AVEN: variants seen among roughly 807,000 people sequenced by gnomAD.
AVEN encodes apoptosis and caspase activation inhibitor, also known as cell death regulator Aven.
A neutral mutation model predicts 38.1 loss-of-function variants in AVEN; 41 were observed. The ratio of observed to expected loss-of-function variants is 1.08; its 90% CI spans 0.84 to 1.40. The LOEUF (loss-of-function observed/expected upper bound fraction) is 1.40. Among genes scored for constraint, AVEN ranks in the 40% most tolerant of loss-of-function variants. AVEN has a pLI of 0.00. For synonymous variants in AVEN, 206 were observed against 171.8 expected (o/e 1.20, Z -1.56); for missense variants, 605 against 438.8 (o/e 1.38, Z -3.38).
intron 1 of AVEN, among the ~76,000 whole-genome samples, chr15:34,017,871 T>C (rs1160909159): frequency 1.3e-5 from 2 of 152,146 alleles, no homozygotes; most frequent in Non-Finnish European, 1.5e-5. Flanking sequence ...ATGGACCATA[T>C]TTACAACAGT....
upstream of AVEN, among the ~76,000 whole-genome samples, chr15:34,044,103 A>G (rs951926843): frequency 2.6e-5 from 4 of 152,160 alleles, no homozygotes; most frequent in Non-Finnish European, 1.5e-5. Flanking sequence ...AATGAAAAAA[A>G]AAAAAAACTT....
chr15:33,852,115 G>A, the AVEN span: 2 of 150,386 alleles, frequency 1.3e-5, no homozygotes, highest in Non-Finnish European at 2.9e-5. Flanking sequence ...ACCAACTTGG[G>A]TGGTCTCTGG....
chr15:33,927,908 G>A (rs1030462874), intron 2 of AVEN, among the ~76,000 whole-genome samples: 3 of 152,126 alleles, frequency 2.0e-5, no homozygotes, highest in Non-Finnish European at 4.4e-5. Context: ...TATAGGAATA[G>A]CTTTCTGGAA....
intron 1 of AVEN, among the ~76,000 whole-genome samples, chr15:34,036,072 A>G (rs2140782211): frequency 6.7e-6 from 1 of 150,290 alleles, no homozygotes; most frequent in East Asian, 1.9e-4. Context: ...CTGGGATTAC[A>G]AGCGCGAGCC....
intron 1 of AVEN, among the ~76,000 whole-genome samples, chr15:34,017,685 G>A (rs1042422394): frequency 1.3e-5 from 2 of 151,892 alleles, no homozygotes; most frequent in African/African-American, 4.8e-5. Context: ...TCACCATGTT[G>A]GCCAGGCAGG....
intron 11 of AVEN, chr15:33,861,029 T>G: frequency 3.0e-6 from 4 of 1,325,836 alleles, no homozygotes; most frequent in Non-Finnish European, 4.3e-6. Flanking sequence ...TTTTCTCTCC[T>G]GCCTATATTA....
chr15:33,984,649 G>A (rs746035653), intron 2 of AVEN, among the ~76,000 whole-genome samples: 7 of 152,108 alleles, frequency 4.6e-5, no homozygotes, highest in Non-Finnish European at 1.0e-4. Flanking sequence ...TGATCCACCC[G>A]TCTTGGCCTC....
chr15:33,854,449 C>A, downstream of AVEN: 1 of 1,567,468 alleles, frequency 6.4e-7, no homozygotes, highest in Non-Finnish European at 8.7e-7. Context: ...TTACTGACAA[C>A]GTAAGTACTG....
At chr15:33,979,572 T>C (rs1896044756) in intron 2 of AVEN, among the ~76,000 whole-genome samples, 1 of 152,340 alleles carries the variant, frequency 6.6e-6, no homozygotes, top group South Asian at 2.1e-4. Flanking sequence ...CAAATACTTG[T>C]ATGGCCTTAA....
chr15:33,958,448 A>G (rs1468558036), intron 2 of AVEN, among the ~76,000 whole-genome samples: 2 of 152,064 alleles, frequency 1.3e-5, no homozygotes, highest in East Asian at 3.9e-4. Context: ...AAAATCAGCC[A>G]GGCATGGTAG....
At chr15:33,911,146 A>G (rs1978499) in intron 2 of AVEN, among the ~76,000 whole-genome samples, 81,114 of 151,990 alleles carry the variant, frequency 0.53, 23,111 homozygotes, top group Middle Eastern at 0.65. Context: ...GACCAACTCC[A>G]GCACCACCAC....
intron 4 of AVEN, among the ~76,000 whole-genome samples, chr15:33,868,398 T>A (rs1376198864): frequency 6.7e-6 from 1 of 150,002 alleles, no homozygotes; most frequent in African/African-American, 2.4e-5. Context: ...AACAAAAAAA[T>A]TAGCCAGGAG....
At chr15:33,876,508 G>A (rs1181224099) in intron 2 of AVEN, among the ~76,000 whole-genome samples, 3 of 151,992 alleles carry the variant, frequency 2.0e-5, no homozygotes, top group East Asian at 1.9e-4. Flanking sequence ...GGAGGCGGAG[G>A]TTGCAGTGAG....
chr15:33,996,122 G>C (rs760535584), intron 2 of AVEN, among the ~76,000 whole-genome samples: 1 of 152,222 alleles, frequency 6.6e-6, no homozygotes, highest in Non-Finnish European at 1.5e-5. Flanking sequence ...CAGCCTGGCA[G>C]GGGGAGGGGC....
intron 2 of AVEN, among the ~76,000 whole-genome samples, chr15:33,926,647 C>G (rs1339600975): frequency 6.6e-6 from 1 of 151,998 alleles, no homozygotes; most frequent in Non-Finnish European, 1.5e-5. Flanking sequence ...CCTGTCTCTA[C>G]AAAAAAACTT....
chr15:33,877,777 C>T (rs1191227913), intron 2 of AVEN, among the ~76,000 whole-genome samples: 1 of 151,846 alleles, frequency 6.6e-6, no homozygotes, highest in Non-Finnish European at 1.5e-5. Flanking sequence ...GGTAAAACCC[C>T]GTCTCTACTA....
intron 2 of AVEN, among the ~76,000 whole-genome samples, chr15:33,937,512 G>GA (rs1181424535): frequency 6.7e-6 from 1 of 148,876 alleles, no homozygotes; most frequent in African/African-American, 2.4e-5. Context: ...CAGCCTGGGC[G>GA]ACAGAGCGAG....
At chr15:34,052,921 C>T (rs1001606069) in intron 5 of AVEN, among the ~76,000 whole-genome samples, 2 of 151,988 alleles carry the variant, frequency 1.3e-5, no homozygotes, top group Non-Finnish European at 2.9e-5. Flanking sequence ...TCATACTGCC[C>T]AAAGTAGTTT....
chr15:33,902,176 G>T (rs985861240), intron 2 of AVEN, among the ~76,000 whole-genome samples: 7 of 152,000 alleles, frequency 4.6e-5, no homozygotes, highest in Non-Finnish European at 1.0e-4. Flanking sequence ...TGTTTTTAGT[G>T]TACAAATGTT....
Sources: allele counts gnomAD v4.1 joint callset (sites outside exome capture counted in the v4.1 genomes callset), GRCh38; gene constraint gnomAD v4.1.1; transcripts MANE v1.5; gene names NCBI Gene and HGNC (gene_info 2026-07-23, HGNC 2026-07-21).